The following TTC13 variants were observed in gnomAD, a reference collection of about 807,000 sequenced individuals.
The protein encoded by TTC13 is tetratricopeptide repeat domain 13, also known as tetratricopeptide repeat protein 13.
A neutral mutation model predicts 120.0 loss-of-function variants in TTC13; 62 were observed. The ratio of observed to expected loss-of-function variants is 0.52; its 90% CI spans 0.42 to 0.64. The LOEUF is 0.64. Ranked by LOEUF, TTC13 falls within the 30% of genes least tolerant of loss-of-function variation. The probability of loss-of-function intolerance (pLI) is 0.00; values close to 1 mark genes in which losing one functional copy is unlikely to be tolerated. For missense variants in TTC13, 824 were observed against 1,050.2 expected (o/e 0.78, Z 2.98); for synonymous variants, 384 against 393.5 (o/e 0.98, Z 0.28).
At chr1:230,945,244 C>G (rs1238958527) in intron 5 of TTC13, 145 bp downstream of exon 5, 1 of 752,142 alleles carries the variant, frequency 1.3e-6, no homozygotes, top group Non-Finnish European at 2.3e-6. Context: ...CACTTACTAG[C>G]TGCCATTTTC....
intron 19 of TTC13, 32 bp downstream of exon 19, chr1:230,912,591 G>A: frequency 6.2e-7 from 1 of 1,604,202 alleles, no homozygotes; most frequent in Non-Finnish European, 8.5e-7. Context: ...ATCATAGGAA[G>A]AGCAGAAAAA....
chr1:230,911,447 T>G, intron 20 of TTC13, 23 bp downstream of exon 20: 2 of 1,506,924 alleles, frequency 1.3e-6, no homozygotes, highest in South Asian at 2.4e-5. Context: ...TTAAAATAAT[T>G]TTAATGACAG....
intron 12 of TTC13, among the ~76,000 whole-genome samples, chr1:230,928,473 T>A (rs1194097177): frequency 6.6e-6 from 1 of 152,246 alleles, no homozygotes; most frequent in Non-Finnish European, 1.5e-5. Context: ...TCATTTCCTA[T>A]AATTTGTAGA....
At chr1:230,933,736 T>A (rs1271091547) in intron 9 of TTC13, 43 bp downstream of exon 9, 3 of 1,115,384 alleles carry the variant, frequency 2.7e-6, no homozygotes, top group Non-Finnish European at 3.9e-6. Flanking sequence ...GTCTCCCCAC[T>A]CTTCAGCCTC....
intron 8 of TTC13, among the ~76,000 whole-genome samples, chr1:230,938,147 C>T (rs567993185): frequency 6.6e-6 from 1 of 152,362 alleles, no homozygotes; most frequent in Admixed American, 6.5e-5. Context: ...ATCCCTGCCA[C>T]ACATTACTAA....
chr1:230,957,794 T>C (rs956340455), intron 3 of TTC13, among the ~76,000 whole-genome samples: 5 of 151,864 alleles, frequency 3.3e-5, no homozygotes, highest in African/African-American at 1.2e-4. Flanking sequence ...CCCACATTCT[T>C]AGGCCCAAAA....
intron 1 of TTC13, among the ~76,000 whole-genome samples, chr1:230,973,016 A>C (rs1472238533): frequency 6.6e-6 from 1 of 152,228 alleles, no homozygotes; most frequent in Non-Finnish European, 1.5e-5. Flanking sequence ...AAATTTACTC[A>C]GGAATGCCTT....
chr1:230,947,280 T>C (rs534756303), intron 4 of TTC13, among the ~76,000 whole-genome samples: 2 of 152,130 alleles, frequency 1.3e-5, no homozygotes, highest in East Asian at 3.9e-4. Flanking sequence ...GGAGAAAGGA[T>C]ACAGGTGTCA....
At chr1:230,915,777 TTCTCTC>T (rs146519721) in intron 18 of TTC13, among the ~76,000 whole-genome samples, 142 of 150,780 alleles carry the variant, frequency 9.4e-4, no homozygotes, top group Non-Finnish European at 1.8e-3. Context: ...TAAAGCTGTT[TTCTCTC>T]TCTCTCTCTC....
chr1:230,966,556 C>T (rs1221176077), intron 1 of TTC13, among the ~76,000 whole-genome samples: 2 of 152,206 alleles, frequency 1.3e-5, no homozygotes, highest in African/African-American at 2.4e-5. Context: ...GTTCCCATCA[C>T]TGTGTTAGCC....
chr1:230,958,015 T>C (rs1479152417), intron 3 of TTC13, among the ~76,000 whole-genome samples: 2 of 140,166 alleles, frequency 1.4e-5, no homozygotes, highest in Non-Finnish European at 3.0e-5. Context: ...AATGGAGAGC[T>C]GGAAAAGATT....
chr1:230,968,188 G>GT (rs1553299108), intron 1 of TTC13, among the ~76,000 whole-genome samples: 1 of 142,692 alleles, frequency 7.0e-6, no homozygotes, highest in East Asian at 2.1e-4. Context: ...TGGTGGTGGG[G>GT]GGGGGGCCTT....
chr1:230,930,190 C>T (rs1013991297), intron 11 of TTC13, among the ~76,000 whole-genome samples: 2 of 152,082 alleles, frequency 1.3e-5, no homozygotes, highest in Non-Finnish European at 2.9e-5. Context: ...ATAAACTATA[C>T]ATCAGATTTC....
intron 1 of TTC13, among the ~76,000 whole-genome samples, chr1:230,973,503 G>A (rs919809521): frequency 6.6e-6 from 1 of 152,128 alleles, no homozygotes; most frequent in Non-Finnish European, 1.5e-5. Flanking sequence ...TGCTTTCATT[G>A]ATTTCAACAA....
intron 4 of TTC13, among the ~76,000 whole-genome samples, chr1:230,950,186 C>T (rs530528357): frequency 7.2e-5 from 11 of 152,026 alleles, no homozygotes; most frequent in Non-Finnish European, 1.0e-4. Flanking sequence ...TAAAAACCAA[C>T]GTTTATTCCT....
At chr1:230,948,252 AAC>A (rs1675194133) in intron 4 of TTC13, among the ~76,000 whole-genome samples, 1 of 152,094 alleles carries the variant, frequency 6.6e-6, no homozygotes, top group African/African-American at 2.4e-5. Flanking sequence ...TGTATCAGAA[AAC>A]AGTTTCAGTA....
intron 3 of TTC13, chr1:230,956,520 A>C (rs979989333): frequency 1.6e-5 from 6 of 381,574 alleles, no homozygotes; most frequent in Middle Eastern, 3.7e-4. Context: ...TTCAAATCTA[A>C]ATTTTTATTT....
chr1:230,958,413 G>A lies in TTC13; in HGVS notation c.367-114C>T, dbSNP rs976762612. On this transcript the variant is annotated intron_variant, in intron 2 of 22. Coordinates refer to ENST00000366661, the MANE Select transcript of TTC13 (RefSeq NM_024525.5). Reference sequence around the variant, plus strand: ...ATTAAGGCTACATTTGATTTAAGTGGAAGCAAGAAAATGCCACTATTGTGG... The same window carrying A: ...ATTAAGGCTACATTTGATTTAAGTGAAAGCAAGAAAATGCCACTATTGTGG... 4.0e-6 allele frequency: 5 copies of A among 1,245,566 alleles called. No homozygotes were observed. The African/African-American group carries it at 6.1e-5, about 15-fold the overall frequency. The allele number at this position is 1,245,566 out of a possible 1,614,324, so 77.2% of individuals were successfully genotyped here.
chr1:230,972,818 G>T (rs144394729), intron 1 of TTC13, among the ~76,000 whole-genome samples: 2 of 152,160 alleles, frequency 1.3e-5, no homozygotes, highest in African/African-American at 4.8e-5. Context: ...CGAATCATAG[G>T]CTGCCATCGT....
Sources: gnomAD v4.1 joint callset for allele counts (sites outside exome capture counted in the v4.1 genomes callset) on GRCh38, gnomAD v4.1.1 for gene constraint, MANE v1.5 for transcripts, NCBI Gene and HGNC (gene_info 2026-07-23, HGNC 2026-07-21) for gene names.